The following NAV3 variants were observed in gnomAD, a reference collection of about 807,000 sequenced individuals.
NAV3 encodes neuron navigator 3.
A neutral mutation model predicts 244.7 loss-of-function variants in NAV3; 87 were observed. That is an observed-to-expected ratio of 0.36 (90% confidence interval 0.30 to 0.42). The LOEUF is 0.42. Ranked by LOEUF, NAV3 falls within the 20% of genes least tolerant of loss-of-function variation. The pLI is 1.00. For synonymous variants in NAV3, 1,126 were observed against 1,042.2 expected, an observed-to-expected ratio of 1.08 and a Z score of -1.55; for missense variants, 2,663 against 2,893.3, an observed-to-expected ratio of 0.92 and a Z score of 1.83.
intron 3 of NAV3, among the ~76,000 whole-genome samples, chr12:77,950,077 A>G (rs1890731830): frequency 6.6e-6 from 1 of 152,088 alleles, no homozygotes; most frequent in Non-Finnish European, 1.5e-5. Flanking sequence ...TGAACATCTT[A>G]GTTGCTTCCA....
At chr12:77,829,376 T>C (rs1873354960), upstream of NAV3, among the ~76,000 whole-genome samples, 1 of 152,212 alleles carries the variant, frequency 6.6e-6, no homozygotes, top group African/African-American at 2.4e-5. Flanking sequence ...GCTAGCAATA[T>C]ACTCCCAAAG....
chr12:77,773,637 A>G (rs547907844), intron 2 of NAV3, among the ~76,000 whole-genome samples: 1 of 152,310 alleles, frequency 6.6e-6, no homozygotes, highest in Admixed American at 6.5e-5. Flanking sequence ...ATGAATAAAT[A>G]TAAAGCAGGA....
chr12:77,738,735 G>C (rs1868272180), intron 2 of NAV3, among the ~76,000 whole-genome samples: 1 of 152,082 alleles, frequency 6.6e-6, no homozygotes, highest in Non-Finnish European at 1.5e-5. Flanking sequence ...TTCTGGGCTG[G>C]GCGCGTGGCT....
intron 16 of NAV3, among the ~76,000 whole-genome samples, chr12:78,124,681 T>C (rs1955830249): frequency 6.6e-6 from 1 of 152,112 alleles, no homozygotes; most frequent in Non-Finnish European, 1.5e-5. Flanking sequence ...CTCGAACTCC[T>C]GACTTCAAGC....
chr12:77,828,692 G>C (rs1465281708), upstream of NAV3, among the ~76,000 whole-genome samples: 3 of 152,084 alleles, frequency 2.0e-5, no homozygotes, highest in Admixed American at 6.5e-5. Context: ...TTTGGTGGTA[G>C]ATATTACTGC....
At chr12:78,056,242 G>A (rs1363439293) in intron 11 of NAV3, 2 of 152,182 alleles carry the variant, frequency 1.3e-5, no homozygotes, top group East Asian at 3.9e-4. Flanking sequence ...TTAGCTCAAG[G>A]ATGATTGTGC....
chr12:77,843,411 GTGTGTGTGTT>G (rs1876043078), intron 1 of NAV3, among the ~76,000 whole-genome samples: 1 of 151,906 alleles, frequency 6.6e-6, no homozygotes, highest in South Asian at 2.1e-4. Flanking sequence ...GTGTGTGTGT[GTGTGTGTGTT>G]TGTGTGTGTA....
intron 20 of NAV3, chr12:78,145,106 T>G (rs1478111361): frequency 7.1e-6 from 2 of 280,582 alleles, no homozygotes; most frequent in South Asian, 5.9e-5. Flanking sequence ...AAACTGTGTA[T>G]AAAACCTTAA....
At chr12:77,597,298 C>G (rs566197439) in intron 2 of NAV3, among the ~76,000 whole-genome samples, 1 of 152,154 alleles carries the variant, frequency 6.6e-6, no homozygotes, top group South Asian at 2.1e-4. Flanking sequence ...ATTGCAGTGG[C>G]CTCTAATCAG....
In NAV3 at chr12:78,037,505, C is replaced by A. The variant is rs1880106530; in HGVS notation, c.2024-12488C>A. ...GTTTTTAGACTGATTTTTAAAAATACATAGTTACATTTTAAATTCCTGTTT... is the reference window on the plus strand; with the variant it reads ...GTTTTTAGACTGATTTTTAAAAATAAATAGTTACATTTTAAATTCCTGTTT... On this transcript the variant is annotated intron_variant, in intron 9 of 39. Coordinates refer to ENST00000397909, the MANE Select transcript of NAV3 (RefSeq NM_001024383.2). The A allele has an allele frequency of 1.4e-5, 8 of 591,736 alleles. No individual in the cohort carries two copies. In the South Asian group the frequency reaches 1.7e-4, roughly 12 times the overall value. 36.7% of individuals were successfully genotyped at this position (591,736 alleles called of 1,614,324 possible).
intron 2 of NAV3, among the ~76,000 whole-genome samples, chr12:77,778,383 C>G (rs559141006): frequency 6.6e-6 from 1 of 151,522 alleles, no homozygotes; most frequent in Non-Finnish European, 1.5e-5. Context: ...GAGGCCAAGG[C>G]AGGTGGATCA....
chr12:77,958,344 C>A (rs1173364581), intron 3 of NAV3, among the ~76,000 whole-genome samples: 2 of 152,008 alleles, frequency 1.3e-5, no homozygotes, highest in African/African-American at 4.8e-5. Context: ...AGCACATTTT[C>A]AGGCATAAAA....
chr12:77,988,735 C>A (rs919107963), intron 5 of NAV3, among the ~76,000 whole-genome samples: 3 of 152,124 alleles, frequency 2.0e-5, no homozygotes, highest in Admixed American at 6.5e-5. Context: ...CCTTATTTTA[C>A]TGCTTTTCTG....
chr12:77,848,827 G>A (rs988787724), intron 1 of NAV3, among the ~76,000 whole-genome samples: 3 of 152,002 alleles, frequency 2.0e-5, no homozygotes, highest in Non-Finnish European at 4.4e-5. Context: ...CTTTATTTTT[G>A]GAGGAAGAAA....
intron 12 of NAV3, among the ~76,000 whole-genome samples, chr12:78,075,917 T>A (rs1953026540): frequency 6.6e-6 from 1 of 152,206 alleles, no homozygotes; most frequent in Admixed American, 6.5e-5. Flanking sequence ...AACAAGCTTC[T>A]GCAAGGTTCC....
intron 2 of NAV3, among the ~76,000 whole-genome samples, chr12:77,726,466 G>A (rs1418698147): frequency 1.3e-5 from 2 of 151,822 alleles, no homozygotes; most frequent in African/African-American, 4.8e-5. Flanking sequence ...GGAACTAATG[G>A]GAAAGAGAGG....
chr12:77,598,152 T>C (rs1020596605), intron 2 of NAV3, among the ~76,000 whole-genome samples: 6 of 152,064 alleles, frequency 3.9e-5, no homozygotes, highest in African/African-American at 1.4e-4. Context: ...TTTGAATAAA[T>C]TTATATGTAC....
intron 36 of NAV3, chr12:78,199,062 ACAGAAGAGTGAT>A (rs1565794426): frequency 1.7e-6 from 1 of 579,194 alleles, no homozygotes; most frequent in East Asian, 3.6e-5. Context: ...TGATTCTCCT[ACAGAAGAGTGAT>A]CAGCATTTAG....
chr12:77,889,559 T>C (rs1883694275), intron 1 of NAV3, among the ~76,000 whole-genome samples: 1 of 152,224 alleles, frequency 6.6e-6, no homozygotes, highest in Non-Finnish European at 1.5e-5. Context: ...CAATAATAAC[T>C]CAGTAAATAT....
Sources: allele counts gnomAD v4.1 joint callset (sites outside exome capture counted in the v4.1 genomes callset), GRCh38; gene constraint gnomAD v4.1.1; transcripts MANE v1.5; gene names NCBI Gene and HGNC (gene_info 2026-07-23, HGNC 2026-07-21).